DCT: variants seen among roughly 807,000 people sequenced by gnomAD.
DCT encodes L-dopachrome tautomerase.
In DCT, 47 loss-of-function variants were observed where a neutral mutation model predicts 53.0. The ratio of observed to expected loss-of-function variants is 0.89; its 90% CI spans 0.70 to 1.13. The LOEUF is 1.13. DCT is among the 50% of genes most tolerant of loss of function. The probability of loss-of-function intolerance (pLI) is 0.00; values close to 1 mark genes in which losing one functional copy is unlikely to be tolerated. For synonymous variants in DCT, 244 were observed against 237.0 expected (o/e 1.03, Z -0.27); for missense variants, 669 against 637.4 (o/e 1.05, Z -0.53).
At chr13:94,548,476 T>C in the DCT span, among the ~76,000 whole-genome samples, 1 of 152,088 alleles carries the variant, frequency 6.6e-6, no homozygotes, top group African/African-American at 2.4e-5. Context: ...CTCACTAAAC[T>C]GACTATTCTA....
chr13:94,448,379 A>G (rs1286331932), intron 6 of DCT, among the ~76,000 whole-genome samples: 1 of 152,248 alleles, frequency 6.6e-6, no homozygotes, highest in East Asian at 1.9e-4. Context: ...ACAAAATGCT[A>G]CAAGCAATAA....
At chr13:94,469,931 G>A (rs555327190) in intron 1 of DCT, among the ~76,000 whole-genome samples, 79 of 151,912 alleles carry the variant, frequency 5.2e-4, no homozygotes, top group African/African-American at 1.8e-3. Flanking sequence ...AAAAATTAGC[G>A]GGGCGTGGTG....
chr13:94,540,549 T>C, the DCT span, among the ~76,000 whole-genome samples: 2 of 152,062 alleles, frequency 1.3e-5, no homozygotes, highest in Non-Finnish European at 2.9e-5. Context: ...AACAGGTACA[T>C]GAAAAAATGC....
chr13:94,511,324 G>T, the DCT span, among the ~76,000 whole-genome samples: 11 of 150,364 alleles, frequency 7.3e-5, no homozygotes, highest in East Asian at 2.2e-3. Flanking sequence ...AAGGCTGTTC[G>T]TGTTCCCCTG....
At chr13:94,511,827 T>A in the DCT span, among the ~76,000 whole-genome samples, 1 of 29,208 alleles carries the variant, frequency 3.4e-5, no homozygotes, top group East Asian at 4.3e-3. Flanking sequence ...GCATTGTCAG[T>A]GTGTGTGTGT....
chr13:94,497,856 G>A, the DCT span, among the ~76,000 whole-genome samples: 1 of 148,472 alleles, frequency 6.7e-6, no homozygotes, highest in Non-Finnish European at 1.5e-5. Context: ...TCAAACCCAT[G>A]TTGTTCAGGG....
chr13:94,547,984 A>AAAAATATATAT, the DCT span, among the ~76,000 whole-genome samples: 52 of 65,816 alleles, frequency 7.9e-4, no homozygotes, highest in African/African-American at 2.3e-3. Flanking sequence ...AAAAAAAAAA[A>AAAAATATATAT]ATATATATAT....
chr13:94,504,594 C>A, the DCT span, among the ~76,000 whole-genome samples: 1 of 152,116 alleles, frequency 6.6e-6, no homozygotes, highest in Non-Finnish European at 1.5e-5. Context: ...GTCTCGAACT[C>A]CTGATCTCAG....
At chr13:94,541,890 G>A in the DCT span, among the ~76,000 whole-genome samples, 4 of 152,124 alleles carry the variant, frequency 2.6e-5, no homozygotes, top group Admixed American at 6.5e-5. Flanking sequence ...GGCTACACAC[G>A]GGTCATTGCA....
chr13:94,462,219 A>G (rs1472431137), intron 4 of DCT, 30 bp from the exon 5 acceptor site: 8 of 1,573,622 alleles, frequency 5.1e-6, no homozygotes, highest in African/African-American at 2.7e-5. Flanking sequence ...TTAAAATAAT[A>G]TATGTTGGCT....
the DCT span, among the ~76,000 whole-genome samples, chr13:94,543,139 C>G: frequency 1.3e-5 from 2 of 152,140 alleles, no homozygotes; most frequent in African/African-American, 4.8e-5. Flanking sequence ...TTTTGCCTGA[C>G]TAGGGCACAT....
the DCT span, among the ~76,000 whole-genome samples, chr13:94,525,343 C>T: frequency 6.6e-6 from 1 of 152,102 alleles, no homozygotes; most frequent in African/African-American, 2.4e-5. Context: ...CTCAGGTGAT[C>T]CACCTGCCTC....
At chr13:94,458,163 A>G (rs1415864303) in intron 6 of DCT, among the ~76,000 whole-genome samples, 1 of 152,082 alleles carries the variant, frequency 6.6e-6, no homozygotes, top group Non-Finnish European at 1.5e-5. Context: ...AGTCTGCCCC[A>G]TATACAGACA....
At chr13:94,522,607 C>T in the DCT span, among the ~76,000 whole-genome samples, 6 of 152,034 alleles carry the variant, frequency 3.9e-5, no homozygotes, top group African/African-American at 9.7e-5. Context: ...ATTGTGAATT[C>T]GATGCTAAGT....
the DCT span, among the ~76,000 whole-genome samples, chr13:94,501,650 GAGAA>G: frequency 6.6e-6 from 1 of 152,060 alleles, no homozygotes. Flanking sequence ...GAGAGAGAGA[GAGAA>G]AGGAGAGAGA....
chr13:94,501,614 T>C, the DCT span, among the ~76,000 whole-genome samples: 1 of 151,508 alleles, frequency 6.6e-6, no homozygotes, highest in African/African-American at 2.4e-5. Context: ...ACGGTACTTA[T>C]GCAGAGACAA....
intron 6 of DCT, among the ~76,000 whole-genome samples, chr13:94,454,183 A>G (rs895887774): frequency 6.6e-6 from 1 of 152,218 alleles, no homozygotes; most frequent in Admixed American, 6.5e-5. Flanking sequence ...GTTGTATTCC[A>G]TTTAGAATGT....
At chr13:94,523,578 C>T in the DCT span, among the ~76,000 whole-genome samples, 7 of 152,282 alleles carry the variant, frequency 4.6e-5, no homozygotes, top group Non-Finnish European at 7.4e-5. Context: ...TCTCAACTTC[C>T]TCAGACTTTG....
the DCT span, among the ~76,000 whole-genome samples, chr13:94,503,728 G>C: frequency 1.2e-4 from 19 of 152,200 alleles, no homozygotes; most frequent in Non-Finnish European, 2.4e-4. Context: ...CCTATACCTT[G>C]ATTTCAGACT....
Sources: gnomAD v4.1 joint callset for allele counts (sites outside exome capture counted in the v4.1 genomes callset) on GRCh38, gnomAD v4.1.1 for gene constraint, MANE v1.5 for transcripts, NCBI Gene and HGNC (gene_info 2026-07-23, HGNC 2026-07-21) for gene names.